CARD14: variants seen among roughly 807,000 people sequenced by gnomAD.
The protein encoded by CARD14 is caspase recruitment domain family member 14.
A neutral mutation model predicts 111.5 loss-of-function variants in CARD14; 107 were observed. The ratio of observed to expected loss-of-function variants is 0.96; its 90% CI spans 0.82 to 1.13. The LOEUF is 1.13. Among genes scored for constraint, CARD14 ranks in the 50% most tolerant of loss-of-function variants. The pLI is 0.00. For missense variants in CARD14, 1,322 were observed against 1,362.3 expected, an observed-to-expected ratio of 0.97 and a Z score of 0.47; for synonymous variants, 617 against 579.6, an observed-to-expected ratio of 1.06 and a Z score of -0.93.
chr17:80,198,700 C>G lies in CARD14; in HGVS notation c.1851+109C>G. ...CTCCCCCAGACGATGCAGATCCACTCTGGGCTGGGCCTCTGCTCTTTCCTG... is the reference window on the plus strand; with the variant it reads ...CTCCCCCAGACGATGCAGATCCACTGTGGGCTGGGCCTCTGCTCTTTCCTG... On this transcript the variant is annotated intron_variant, in intron 16 of 23. Coordinates refer to ENST00000648509, the MANE Select transcript of CARD14 (RefSeq NM_001366385.1). This position sits in a 1 kb window ranked among gnomAD's most constrained non-coding sequence, Gnocchi z 7.5. 1 of 1,596,948 alleles carries G rather than the reference C, an allele frequency of 6.3e-7. No homozygotes were observed. The highest frequency in any genetic ancestry group is 8.5e-7 in the Non-Finnish European group (1 of 1,174,022).
In CARD14 at chr17:80,189,280, C is replaced by T. The variant is rs868506721; in HGVS notation, c.844-473C>T. On this transcript the variant is annotated intron_variant, in intron 8 of 23. Coordinates refer to ENST00000648509, the MANE Select transcript of CARD14 (RefSeq NM_001366385.1). The surrounding 1 kb of genome is among the most constrained non-coding windows in gnomAD (Gnocchi z 4.7). ...GCAGTGAGTGAGCAACGACCCTTGG[C>T]GTCTCCTCCTCGGCCCCTCTCAGTA... Among the ~76,000 whole-genome samples the T allele has an allele frequency of 2.6e-5, 4 of 152,172 alleles. No homozygotes were observed. The highest frequency in any genetic ancestry group is 7.2e-5 in the African/African-American group (3 of 41,438).
At position 80,203,877 on chromosome 17, in the gene CARD14, AC is replaced by A; in HGVS notation, c.2278del (p.Arg760AlafsTer82). The A allele has an allele frequency of 6.3e-7, 1 of 1,595,342 alleles. No individual in the cohort carries two copies. On this transcript the variant is annotated frameshift_variant, in exon 19 of 24. Coordinates refer to ENST00000648509, the MANE Select transcript of CARD14 (RefSeq NM_001366385.1). LOFTEE classifies it high-confidence loss of function. The surrounding 1 kb of genome is among the most constrained non-coding windows in gnomAD (Gnocchi z 4.6). Reference sequence around the variant, plus strand: ...GGACATGACTCAGCAGTGCACCGTGACCCGCAAGGTGAGGCTCCAGGGAGGG... The same window carrying A: ...GGACATGACTCAGCAGTGCACCGTGACCGCAAGGTGAGGCTCCAGGGAGGG... ...IQDMTQQCTV[T>X]RKPSSGGPQK...
intron 2 of CARD14, among the ~76,000 whole-genome samples, chr17:80,174,876 G>A (rs538299801): frequency 2.0e-5 from 3 of 152,230 alleles, no homozygotes; most frequent in African/African-American, 4.8e-5. Context: ...CTCTCTTCCC[G>A]CAGTCTGTCC....
chr17:80,208,374 G>A lies in CARD14; in HGVS notation c.*29G>A. 2 of 1,536,588 alleles carry A rather than the reference G, an allele frequency of 1.3e-6. No homozygotes were observed. Among genetic ancestry groups the A allele is most frequent in the Non-Finnish European group, 1.8e-6 (2 of 1,133,040 alleles). On this transcript the variant is annotated 3_prime_UTR_variant, in exon 24 of 24. Coordinates refer to ENST00000648509, the MANE Select transcript of CARD14 (RefSeq NM_001366385.1). The stretch of plus-strand genomic sequence containing the variant: ...ACCGTGCCCCTTCCCGGGACTGTGG[G>A]GGCTTCTGTGTGCCTGTTAATGCAG...
chr17:80,172,011 C>T (rs1290576676), intron 1 of CARD14, among the ~76,000 whole-genome samples: 1 of 152,242 alleles, frequency 6.6e-6, no homozygotes, highest in Non-Finnish European at 1.5e-5. Context: ...AGGATATCCG[C>T]AGAGACCTGG....
intron 22 of CARD14, among the ~76,000 whole-genome samples, chr17:80,206,338 G>A (rs1180008817): frequency 7.3e-6 from 1 of 136,574 alleles, no homozygotes; most frequent in Non-Finnish European, 1.7e-5. Flanking sequence ...AAGTAGCCGG[G>A]CACAGTGGCT....
chr17:80,208,034 C>T, intron 23 of CARD14, 104 bp from the exon 24 acceptor site: 1 of 836,892 alleles, frequency 1.2e-6, no homozygotes, highest in East Asian at 2.8e-5. Flanking sequence ...AGCGAGGCCA[C>T]CTGTGTTTAG....
intron 12 of CARD14, 129 bp downstream of exon 12, chr17:80,192,748 G>A: frequency 1.6e-6 from 1 of 624,278 alleles, no homozygotes; most frequent in Non-Finnish European, 2.8e-6. Flanking sequence ...ACGATTGTGA[G>A]AGTTTTATTT....
At position 80,208,138 on chromosome 17, in the gene CARD14, G is replaced by T. The variant is rs766335810; in HGVS notation, c.2808G>T (p.Lys936Asn). The stretch of plus-strand genomic sequence containing the variant: ...CCCCCCCCAACTCTGGCCTGTGCAG[G>T]AAGGGCCTACAGCGGTTGGGCACCT... ...SVNEKMAKKLKKGLQRLGTSE... is the reference protein window; with the variant it reads ...SVNEKMAKKLNKGLQRLGTSE... The change falls in exon 24 of 24, where the codon AAG becomes AAT. Residue 936 changes from lysine to asparagine, a missense_variant and splice_region_variant. Coordinates refer to ENST00000648509, the MANE Select transcript of CARD14 (RefSeq NM_001366385.1). 1.3e-6 allele frequency: 2 copies of T among 1,536,076 alleles called. No individual in the cohort carries two copies. The highest frequency in any genetic ancestry group is 2.7e-5 in the African/African-American group (2 of 72,920).
rs1259106500 is a variant in CARD14, at chr17:80,182,862, C to T, written c.349+72C>T. On this transcript the variant is annotated intron_variant, in intron 6 of 23. Coordinates refer to ENST00000648509, the MANE Select transcript of CARD14 (RefSeq NM_001366385.1). The surrounding 1 kb of genome is among the most constrained non-coding windows in gnomAD (Gnocchi z 4.7). ...CAGGCTCCTGGTAACCCCAGGTGCC[C>T]CGCTTACTTGCCGATTTGCCCTACT... is the stretch of plus-strand genomic sequence containing the variant. The T allele has an allele frequency of 8.3e-6, 13 of 1,575,646 alleles. No individual in the cohort carries two copies.
Position 80,182,951 on chromosome 17 carries a change from T to C in CARD14, c.349+161T>C, listed in dbSNP as rs1156869718. Among the ~76,000 whole-genome samples the C allele has an allele frequency of 6.6e-6, 1 of 152,092 alleles. No individual in the cohort carries two copies. The highest frequency in any genetic ancestry group is 2.4e-5 in the African/African-American group (1 of 41,416). Reference sequence around the variant, plus strand: ...AGCACTCTGAGGGTGAGGAACCCCCTCACTGTATTGGGGTTGGATAGGATA... The same window carrying C: ...AGCACTCTGAGGGTGAGGAACCCCCCCACTGTATTGGGGTTGGATAGGATA... On this transcript the variant is annotated intron_variant, in intron 6 of 23. Transcript: ENST00000648509. The surrounding 1 kb of genome is among the most constrained non-coding windows in gnomAD (Gnocchi z 4.7).
At chr17:80,194,321 GAT>G (rs1435740726) in intron 12 of CARD14, among the ~76,000 whole-genome samples, 13 of 152,182 alleles carry the variant, frequency 8.5e-5, no homozygotes, top group Admixed American at 8.5e-4. Flanking sequence ...CCTGTCCTCA[GAT>G]GTACATCTGA....
In CARD14 at chr17:80,184,190, G is replaced by A. The variant is rs778599363; in HGVS notation, c.627G>A (p.Leu209=). ...TCTCGCTGCACTATAGCAATGCGCT[G>A]CAGGAGAAGGAGCTGGCCGCCTCAC... The part of the protein sequence containing the change: ...LSLSLHYSNA[L]QEKELAASRC... The change falls in exon 7 of 24, where the codon CTG becomes CTA. Residue 209 remains leucine (L), a synonymous_variant. Coordinates refer to ENST00000648509, the MANE Select transcript of CARD14 (RefSeq NM_001366385.1). 6.4e-7 allele frequency: 1 copy of A among 1,559,068 alleles called. No homozygotes were observed. Among genetic ancestry groups the A allele is most frequent in the Non-Finnish European group, 8.7e-7 (1 of 1,151,586 alleles).
At position 80,180,252 on chromosome 17, in the gene CARD14, C is replaced by T. The variant is rs150644518; in HGVS notation, c.-21+951C>T. Among the ~76,000 whole-genome samples, 10 of 152,290 alleles carry T rather than the reference C, an allele frequency of 6.6e-5. No homozygotes were observed. The East Asian group carries it at 7.7e-4, about 12-fold the overall frequency. On this transcript the variant is annotated intron_variant, in intron 4 of 23. Coordinates refer to ENST00000648509, the MANE Select transcript of CARD14 (RefSeq NM_001366385.1). The stretch of plus-strand genomic sequence containing the variant: ...GAAGAGCAGGTGTTCCGGGCTGTAA[C>T]GGCGACCTGCTTCGTGTATTCTGTC...
rs756128578 is a variant in CARD14, at chr17:80,203,874, G to A, written c.2272G>A (p.Val758Met). 33 of 1,596,076 alleles carry A rather than the reference G, an allele frequency of 2.1e-5. No individual in the cohort carries two copies. The highest frequency in any genetic ancestry group is 1.1e-4 in the African/African-American group (8 of 74,770). Residue 758 changes from valine (V) to methionine (M), a missense_variant, in exon 19 of 24, where the codon GTG becomes ATG. Transcript: ENST00000648509. The surrounding 1 kb of genome is among the most constrained non-coding windows in gnomAD (Gnocchi z 4.6). Reference sequence around the variant, plus strand: ...CCAGGACATGACTCAGCAGTGCACCGTGACCCGCAAGGTGAGGCTCCAGGG... The same window carrying A: ...CCAGGACATGACTCAGCAGTGCACCATGACCCGCAAGGTGAGGCTCCAGGG... Reference protein sequence around the residue: ...LIQDMTQQCTVTRKPSSGGPQ... With the variant: ...LIQDMTQQCTMTRKPSSGGPQ...
At chr17:80,200,113 G>A (rs894991966) in intron 16 of CARD14, among the ~76,000 whole-genome samples, 3 of 151,714 alleles carry the variant, frequency 2.0e-5, no homozygotes, top group Admixed American at 2.0e-4. Context: ...TGCCCCCTTG[G>A]AACAGGCTGT....
chr17:80,204,516 C>G (rs967348270), intron 20 of CARD14, 175 bp downstream of exon 20: 5 of 556,888 alleles, frequency 9.0e-6, no homozygotes, highest in Non-Finnish European at 6.0e-6. Flanking sequence ...CCCAGATACT[C>G]GGGAGGCTGA....
At chr17:80,199,561 CAAAAA>C (rs34737700) in intron 16 of CARD14, among the ~76,000 whole-genome samples, 1 of 68,790 alleles carries the variant, frequency 1.5e-5, no homozygotes, top group Non-Finnish European at 2.6e-5. Flanking sequence ...AGCCTTGTCT[CAAAAA>C]AAAAAAAAAA....
intron 20 of CARD14, 138 bp from the exon 21 acceptor site, chr17:80,204,897 C>T (rs763141916): frequency 5.6e-6 from 4 of 719,374 alleles, no homozygotes; most frequent in South Asian, 3.9e-5. Flanking sequence ...GTCCTGTGAC[C>T]GCTGAGCCTG....
Sources: allele counts gnomAD v4.1 joint callset (sites outside exome capture counted in the v4.1 genomes callset), GRCh38; gene constraint gnomAD v4.1.1; non-coding constraint Gnocchi (gnomAD v3.1); transcripts MANE v1.5; gene names NCBI Gene and HGNC (gene_info 2026-07-23, HGNC 2026-07-21).